Variants in ZFHX3 observed in about 807,000 individuals in gnomAD.
ZFHX3 encodes zinc finger homeobox 3.
Under a neutral mutation model 279.1 loss-of-function variants are expected in ZFHX3, and 42 were observed. That is an observed-to-expected ratio of 0.15 (90% CI 0.12 to 0.19). The LOEUF is 0.19. ZFHX3 is among the 10% of genes least tolerant of loss of function. The pLI is 1.00. For synonymous variants in ZFHX3, 2,293 were observed against 1,957.8 expected (o/e 1.17, Z -4.52); for missense variants, 4,981 against 4,754.0 (o/e 1.05, Z -1.40).
At chr16:73,348,567 G>A (rs965349108) in intron 3 of ZFHX3, among the ~76,000 whole-genome samples, 3 of 152,234 alleles carry the variant, frequency 2.0e-5, no homozygotes, top group Non-Finnish European at 4.4e-5. Flanking sequence ...TTCACCCGGA[G>A]AGCTTTGTCG....
chr16:73,224,124 C>T (rs1278908172), intron 5 of ZFHX3, among the ~76,000 whole-genome samples: 2 of 152,056 alleles, frequency 1.3e-5, no homozygotes, highest in South Asian at 2.1e-4. Context: ...TAAATTTGTC[C>T]AAACCCATAG....
chr16:73,672,217 C>T (rs1336660602), intron 2 of ZFHX3, among the ~76,000 whole-genome samples: 1 of 152,140 alleles, frequency 6.6e-6, no homozygotes, highest in Non-Finnish European at 1.5e-5. Context: ...ATATTCCCAT[C>T]TCAGAATCAG....
At position 73,038,850 on chromosome 16, in the gene ZFHX3, T is replaced by G. The variant is rs149965353; in HGVS notation, c.-50+8902A>C. Among the ~76,000 whole-genome samples the G allele has an allele frequency of 9.0e-3, 1,362 of 151,822 alleles. 14 individuals are homozygous for G. Among genetic ancestry groups the G allele is most frequent in the African/African-American group, 0.03 (1,250 of 41,372 alleles). On this transcript the variant is annotated intron_variant, in intron 1 of 9. Transcript: ENST00000268489. ...TGTCACTCTGTCACCCAGGCTGGAG[T>G]GCAGTGGCACAATCACGGCTCAATG...
chr16:73,179,959 A>G (rs1049705185), intron 5 of ZFHX3, among the ~76,000 whole-genome samples: 2 of 152,214 alleles, frequency 1.3e-5, no homozygotes, highest in African/African-American at 4.8e-5. Flanking sequence ...GCTCGGGCAC[A>G]ATGAGGGGAA....
At chr16:72,877,542 C>T (rs2038345444) in intron 4 of ZFHX3, among the ~76,000 whole-genome samples, 1 of 152,182 alleles carries the variant, frequency 6.6e-6, no homozygotes, top group African/African-American at 2.4e-5. Context: ...ACCCTGAGCA[C>T]AGTAAGTTTC....
intron 3 of ZFHX3, among the ~76,000 whole-genome samples, chr16:73,408,108 T>TG (rs1258824015): frequency 1.6e-5 from 2 of 123,378 alleles, no homozygotes; most frequent in Non-Finnish European, 3.4e-5. Context: ...CTGTGAAACT[T>TG]GTTTTTTTTT....
At chr16:73,654,647 G>A (rs1368832678) in intron 2 of ZFHX3, among the ~76,000 whole-genome samples, 1 of 151,832 alleles carries the variant, frequency 6.6e-6, no homozygotes, top group East Asian at 1.9e-4. Context: ...AATTATTGTT[G>A]TATGCAAGGT....
chr16:73,216,720 G>T (rs528656957), intron 5 of ZFHX3, among the ~76,000 whole-genome samples: 1 of 151,740 alleles, frequency 6.6e-6, no homozygotes, highest in Non-Finnish European at 1.5e-5. Flanking sequence ...CTGAGATCGC[G>T]CCACTGCACT....
chr16:73,765,720 G>A (rs2053927504), intron 1 of ZFHX3, among the ~76,000 whole-genome samples: 1 of 152,240 alleles, frequency 6.6e-6, no homozygotes, highest in African/African-American at 2.4e-5. Flanking sequence ...ACAGAAAATA[G>A]CAGGTCTAAT....
chr16:72,795,523 G>A lies in ZFHX3; in HGVS notation c.7159C>T (p.Pro2387Ser), dbSNP rs1488609166. The A allele has an allele frequency of 6.2e-7, 1 of 1,614,100 alleles. No individual in the cohort carries two copies. ...PTSSSCSTPMPSQAYSAPAPS... is the reference protein window; with the variant it reads ...PTSSSCSTPMSSQAYSAPAPS... ...GCTGGGGCGCTGTAAGCCTGTGAGG[G>A]CATCGGGGTACTGCAGGATGAGCTG... is the stretch of plus-strand genomic sequence containing the variant. Residue 2387 changes from proline (P) to serine (S), a missense_variant, in exon 9 of 10, where the codon CCC (proline) becomes TCC (serine). This residue lies in a region of ZFHX3 where 744 missense variants were observed against 701.3 expected (regional missense o/e 1.06). Transcript: ENST00000268489.
intron 1 of ZFHX3, among the ~76,000 whole-genome samples, chr16:73,864,976 G>A (rs1211723757): frequency 6.6e-6 from 1 of 152,178 alleles, no homozygotes; most frequent in Non-Finnish European, 1.5e-5. Flanking sequence ...TGAGTTCTGA[G>A]CCTTGTTCTT....
At chr16:73,789,300 C>A (rs1006532324) in intron 1 of ZFHX3, among the ~76,000 whole-genome samples, 2 of 152,108 alleles carry the variant, frequency 1.3e-5, no homozygotes, top group South Asian at 4.2e-4. Context: ...CCTGCCTCAG[C>A]CTCCAGAGTA....
chr16:73,689,602 G>C (rs985369462), intron 1 of ZFHX3, among the ~76,000 whole-genome samples: 1 of 152,192 alleles, frequency 6.6e-6, no homozygotes, highest in Non-Finnish European at 1.5e-5. Context: ...AGGGCTAAGG[G>C]AATGTGAAGT....
chr16:72,787,594 G>A lies in ZFHX3; in HGVS notation c.10682C>T (p.Ala3561Val), dbSNP rs772198570. Reference sequence around the variant, plus strand: ...AGGGTGCTCTTTGGCGTTTCTTGCTGCTCTCGTGATTGTTCTGTGTTTGTG... The same window carrying A: ...AGGGTGCTCTTTGGCGTTTCTTGCTACTCTCGTGATTGTTCTGTGTTTGTG... ...ALHKHRTITRAARNAKEHPSL... is the reference protein window; with the variant it reads ...ALHKHRTITRVARNAKEHPSL... Residue 3561 changes from alanine (A) to valine (V), a missense_variant, in exon 10 of 10, where the codon GCA (alanine) becomes GTA (valine). By Grantham distance (64) the Ala-to-Val change is moderately conservative. Coordinates refer to ENST00000268489, the MANE Select transcript of ZFHX3 (RefSeq NM_006885.4). 9.9e-6 allele frequency: 16 copies of A among 1,613,808 alleles called. No individual in the cohort carries two copies. The highest frequency in any genetic ancestry group is 1.4e-5 in the Non-Finnish European group (16 of 1,179,958).
At position 72,786,128 on chromosome 16, in the gene ZFHX3, A is replaced by C. The variant is rs915673796; in HGVS notation, c.*1036T>G. The stretch of plus-strand genomic sequence containing the variant: ...AGTGGAATTAAGGGACAAGGGGAGA[A>C]AAGCTTAGGCGAATCAACGGATTGC... On this transcript the variant is annotated 3_prime_UTR_variant, in exon 10 of 10. Coordinates refer to ENST00000268489, the MANE Select transcript of ZFHX3 (RefSeq NM_006885.4). 6.6e-6 allele frequency: 1 copy of C among 152,322 alleles called. No homozygotes were observed. The highest frequency in any genetic ancestry group is 1.5e-5 in the Non-Finnish European group (1 of 68,058). The allele number at this position is 152,322 out of a possible 1,614,324, so 9.4% of individuals were successfully genotyped here.
intron 1 of ZFHX3, among the ~76,000 whole-genome samples, chr16:73,719,597 T>C (rs1420445628): frequency 6.6e-6 from 1 of 152,190 alleles, no homozygotes; most frequent in Admixed American, 6.5e-5. Context: ...AGTCAGGCAA[T>C]ACAGTGTTAA....
At chr16:72,963,364 C>G (rs1272357590) in intron 1 of ZFHX3, among the ~76,000 whole-genome samples, 3 of 152,196 alleles carry the variant, frequency 2.0e-5, no homozygotes, top group Non-Finnish European at 4.4e-5. Flanking sequence ...CAATGTTGCA[C>G]TCAACATATG....
intron 4 of ZFHX3, among the ~76,000 whole-genome samples, chr16:73,271,982 A>G (rs2014158437): frequency 6.6e-6 from 1 of 152,196 alleles, no homozygotes; most frequent in Non-Finnish European, 1.5e-5. Context: ...AATAATAGCT[A>G]ACATTTTTTG....
intron 3 of ZFHX3, among the ~76,000 whole-genome samples, chr16:73,410,754 G>C (rs1290441579): frequency 6.6e-6 from 1 of 152,086 alleles, no homozygotes; most frequent in East Asian, 1.9e-4. Context: ...TGATACTAAT[G>C]GTATTCCTAA....
Sources: gnomAD v4.1 joint callset for allele counts (sites outside exome capture counted in the v4.1 genomes callset) on GRCh38, gnomAD v4.1.1 for gene constraint, gnomAD v4.1.1 regional missense constraint, MANE v1.5 for transcripts, NCBI Gene and HGNC (gene_info 2026-07-23, HGNC 2026-07-21) for gene names.